The following MED25 variants were observed in gnomAD, a reference collection of about 807,000 sequenced individuals.
The protein encoded by MED25 is mediator complex subunit 25, also known as mediator of RNA polymerase II transcription subunit 25.
Under a neutral mutation model 89.4 loss-of-function variants are expected in MED25, and 62 were observed. The observed-to-expected ratio is 0.69, with a 90% CI of 0.57 to 0.86. The LOEUF is 0.86. Among genes scored for constraint, MED25 ranks in the 40% least tolerant of loss-of-function variants. The pLI is 0.00. For missense variants in MED25, 905 were observed against 1,005.2 expected, an observed-to-expected ratio of 0.90 and a Z score of 1.35; for synonymous variants, 449 against 427.9, an observed-to-expected ratio of 1.05 and a Z score of -0.61.
rs369006637 is a variant in MED25 at position 49,835,536 on chromosome 19, G to C, written c.1677G>C (p.Met559Ile). ...QQKLEQQQRG[M>I]GGQQAPPGLG... Reference sequence around the variant, plus strand: ...CCTGCCCCTCTCTCCCCGTGCAGATGGGGGGACAGCAGGCACCCCCAGGGC... The same window carrying C: ...CCTGCCCCTCTCTCCCCGTGCAGATCGGGGGACAGCAGGCACCCCCAGGGC... Residue 559 changes from methionine (M) to isoleucine (I), a missense_variant and splice_region_variant, in exon 15 of 18, where the codon ATG becomes ATC. This residue lies in a region of MED25 where 271 missense variants were observed against 258.1 expected (regional missense o/e 1.05). Transcript: ENST00000312865. The surrounding 1 kb of genome is among the most constrained non-coding windows in gnomAD (Gnocchi z 6.2). The C allele has an allele frequency of 1.3e-4, 203 of 1,557,508 alleles. No individual in the cohort carries two copies. The African/African-American group carries it at 1.9e-3, about 15-fold the overall frequency.
intron 3 of MED25, chr19:49,819,603 C>G (rs2073968143): frequency 2.5e-6 from 1 of 394,394 alleles, no homozygotes; most frequent in Non-Finnish European, 4.8e-6. Flanking sequence ...CTTCTGTGTG[C>G]TCAGCAATGT....
rs1345081573 is a variant in MED25 at position 49,835,141 on chromosome 19, G to A, written c.1638G>A (p.Gln546=). ...GIRQVITNHK[Q]VQQQKLEQQQ... ...GGCAGGTCATCACCAACCACAAGCAGGTCCAGCAGCAGAAGCTGGAGCAGC... is the reference window on the plus strand; with the variant it reads ...GGCAGGTCATCACCAACCACAAGCAAGTCCAGCAGCAGAAGCTGGAGCAGC... The change falls in exon 14 of 18, where the codon CAG becomes CAA. Residue 546 remains glutamine (Q), a synonymous_variant. Transcript: ENST00000312865. The surrounding 1 kb of genome is among the most constrained non-coding windows in gnomAD (Gnocchi z 6.2). The A allele has an allele frequency of 6.2e-7, 1 of 1,613,944 alleles. No individual in the cohort carries two copies. The highest frequency in any genetic ancestry group is 8.5e-7 in the Non-Finnish European group (1 of 1,180,026).
intron 4 of MED25, 51 bp downstream of exon 4, chr19:49,828,598 G>A (rs907720862): frequency 4.2e-6 from 6 of 1,442,920 alleles, no homozygotes; most frequent in Non-Finnish European, 5.9e-6. Context: ...GCCTGGCCTG[G>A]AACCACTTTG....
rs1278521791 is a variant in MED25 at position 49,835,631 on chromosome 19, G to A, written c.1746+26G>A. The stretch of plus-strand genomic sequence containing the variant: ...GTGAGGACAGGGCTGGCGGGGTCGG[G>A]GCTGGGTTGGGGAGGCCCCAAGGCT... On this transcript the variant is annotated intron_variant, in intron 15 of 17. Transcript: ENST00000312865. The surrounding 1 kb of genome is among the most constrained non-coding windows in gnomAD (Gnocchi z 6.2). 1 of 1,556,492 alleles carries A rather than the reference G, an allele frequency of 6.4e-7. No homozygotes were observed. The highest frequency in any genetic ancestry group is 8.7e-7 in the Non-Finnish European group (1 of 1,150,474).
At position 49,822,705 on chromosome 19, in the gene MED25, T is replaced by C. The variant is rs535479810; in HGVS notation, c.305+3409T>C. Among the ~76,000 whole-genome samples, 70 of 139,156 alleles carry C rather than the reference T, an allele frequency of 5.0e-4. 1 individual carries two copies. The allele number at this position is 139,156 out of a possible 152,430, so 91.3% of individuals were successfully genotyped here. A position where few individuals can be genotyped will look rare whatever the true frequency, so the allele number is the denominator to read the frequency against. ...CTCTGTTGTCCAGGCTGAAGTGCAG[T>C]GGTGCGATCTCAGCTCACTGCAAGC... On this transcript the variant is annotated intron_variant, in intron 3 of 17. Coordinates refer to ENST00000312865, the MANE Select transcript of MED25 (RefSeq NM_030973.4).
At position 49,828,518 on chromosome 19, in the gene MED25, T is replaced by C; in HGVS notation, c.375T>C (p.Phe125=). The C allele has an allele frequency of 1.2e-6, 2 of 1,614,104 alleles. No individual in the cohort carries two copies. Among genetic ancestry groups the C allele is most frequent in the Non-Finnish European group, 1.7e-6 (2 of 1,179,984 alleles). Residue 125 remains phenylalanine (F), a synonymous_variant, in exon 4 of 18, where the codon TTT becomes TTC. Coordinates refer to ENST00000312865, the MANE Select transcript of MED25 (RefSeq NM_030973.4). ...GACTCAGCACAGCCTTGCAGCTGTT[T>C]GATGACTTCAAGAAGATGCGCGAGC... ...AEGLSTALQL[F]DDFKKMREQI...
At chr19:49,838,501 G>T (rs763851062), downstream of MED25, 3 of 444,620 alleles carry the variant, frequency 6.7e-6, no homozygotes, top group South Asian at 3.2e-5. Flanking sequence ...CCTTTGTCAC[G>T]GGGTTTGCAC....
At chr19:49,827,002 C>T (rs755170589) in intron 3 of MED25, among the ~76,000 whole-genome samples, 8 of 152,260 alleles carry the variant, frequency 5.3e-5, no homozygotes, top group Non-Finnish European at 1.0e-4. Flanking sequence ...CCTACATTTC[C>T]TGAGGCCTCA....
At position 49,832,041 on chromosome 19, in the gene MED25, G is replaced by T. The variant is rs533964778; in HGVS notation, c.1316+20G>T. The T allele has an allele frequency of 6.2e-7, 1 of 1,613,784 alleles. No individual in the cohort carries two copies. Among genetic ancestry groups the T allele is most frequent in the Non-Finnish European group, 8.5e-7 (1 of 1,179,852 alleles). Reference sequence around the variant, plus strand: ...GAACCTGTAGGTGACAGTCAGGGGCGGGGTGTGGTGGGGCTGGGGCTGGCC... The same window carrying T: ...GAACCTGTAGGTGACAGTCAGGGGCTGGGTGTGGTGGGGCTGGGGCTGGCC... On this transcript the variant is annotated intron_variant, in intron 11 of 17. Transcript: ENST00000312865.
At position 49,834,803 on chromosome 19, in the gene MED25, C is replaced by T; in HGVS notation, c.1483-183C>T. On this transcript the variant is annotated intron_variant, in intron 13 of 17. Coordinates refer to ENST00000312865, the MANE Select transcript of MED25 (RefSeq NM_030973.4). The surrounding 1 kb of genome is among the most constrained non-coding windows in gnomAD (Gnocchi z 4.1). ...AGTGGGCAGCTGGAACCCTAGCTTG[C>T]CCTGAGCGCCTCAGTTTCTGTCTCC... 3.1e-6 allele frequency: 2 copies of T among 638,308 alleles called. No individual in the cohort carries two copies. Among genetic ancestry groups the T allele is most frequent in the Non-Finnish European group, 5.6e-6 (2 of 359,434 alleles). The allele number at this position is 638,308 out of a possible 1,614,324, so 39.5% of individuals were successfully genotyped here.
In MED25 at chr19:49,831,047, GT is replaced by G. The variant is rs1433773753; in HGVS notation, c.1101+161del. On this transcript the variant is annotated intron_variant, in intron 9 of 17. Transcript: ENST00000312865. This position sits in a 1 kb window ranked among gnomAD's most constrained non-coding sequence, Gnocchi z 5.0. ...TGTGCTGCAGATGCCTGAGATGAGG[GT>G]CTGGGGACAGAGTGGGGAGGCTCAT... Among the ~76,000 whole-genome samples the G allele has an allele frequency of 6.6e-6, 1 of 152,188 alleles. No individual in the cohort carries two copies. Among genetic ancestry groups the G allele is most frequent in the Non-Finnish European group, 1.5e-5 (1 of 68,028 alleles).
At chr19:49,837,861 C>T (rs2074110311), downstream of MED25, among the ~76,000 whole-genome samples, 1 of 152,152 alleles carries the variant, frequency 6.6e-6, no homozygotes, top group African/African-American at 2.4e-5. Flanking sequence ...GGGTCCATGT[C>T]AGAGACTGAC....
chr19:49,821,726 G>A (rs1036944479), intron 3 of MED25, among the ~76,000 whole-genome samples: 10 of 150,432 alleles, frequency 6.6e-5, no homozygotes, highest in Non-Finnish European at 2.9e-5. Flanking sequence ...TGAGGCAGGA[G>A]AATTGCTTGA....
downstream of MED25, chr19:49,839,028 T>G (rs2122123253): frequency 3.1e-6 from 1 of 324,912 alleles, no homozygotes; most frequent in East Asian, 8.1e-5. Context: ...CACAGTGAGT[T>G]GGAGATAACT....
chr19:49,827,063 C>T (rs977956401), intron 3 of MED25, among the ~76,000 whole-genome samples: 6 of 152,146 alleles, frequency 3.9e-5, no homozygotes, highest in Admixed American at 1.3e-4. Context: ...GGACTCAGAC[C>T]CCATCCCCGC....
Position 49,828,435 on chromosome 19 carries a change from C to G in MED25, c.306-14C>G. ...TGATGGCAACCCTGGGGGCTGACCG[C>G]TCTGCCCCTGCAGGTTCATGGGCGG... On this transcript the variant is annotated splice_polypyrimidine_tract_variant and intron_variant, in intron 3 of 17. Transcript: ENST00000312865. The G allele has an allele frequency of 6.3e-7, 1 of 1,599,444 alleles. No homozygotes were observed. Among genetic ancestry groups the G allele is most frequent in the Non-Finnish European group, 8.6e-7 (1 of 1,166,822 alleles).
chr19:49,826,494 C>T (rs1385852220), intron 3 of MED25, among the ~76,000 whole-genome samples: 9 of 152,008 alleles, frequency 5.9e-5, no homozygotes, highest in African/African-American at 1.5e-4. Flanking sequence ...GAAATCAGTG[C>T]GAGAACTCAG....
chr19:49,832,883 A>G, intron 13 of MED25: 1 of 263,434 alleles, frequency 3.8e-6, no homozygotes, highest in African/African-American at 2.2e-5. Context: ...CCCAGGCTTC[A>G]GGTGGCATCG....
chr19:49,819,332 C>T (rs2073965267), intron 3 of MED25, 36 bp downstream of exon 3: 3 of 1,609,884 alleles, frequency 1.9e-6, no homozygotes, highest in Non-Finnish European at 2.5e-6. Flanking sequence ...GTTGCTGGTC[C>T]CTGTGAGGGG....
Sources: allele counts gnomAD v4.1 joint callset (sites outside exome capture counted in the v4.1 genomes callset), GRCh38; gene constraint gnomAD v4.1.1; regional missense constraint gnomAD v4.1.1; non-coding constraint Gnocchi (gnomAD v3.1); transcripts MANE v1.5; gene names NCBI Gene and HGNC (gene_info 2026-07-23, HGNC 2026-07-21).